FGGY: variants seen among roughly 807,000 people sequenced by gnomAD.
FGGY encodes FGGY carbohydrate kinase domain-containing protein.
In FGGY, 72 loss-of-function variants were observed where a neutral mutation model predicts 71.3. The ratio of observed to expected loss-of-function variants is 1.01; its 90% CI spans 0.84 to 1.23. The LOEUF is 1.23. Ranked by LOEUF, FGGY falls within the 50% of genes most tolerant of loss-of-function variation. The pLI is 0.00. For missense variants in FGGY, 668 were observed against 682.3 expected (o/e 0.98, Z 0.23); for synonymous variants, 251 against 250.3 (o/e 1.00, Z -0.02).
intron 4 of FGGY, among the ~76,000 whole-genome samples, chr1:59,355,700 G>C (rs2054185850): frequency 6.6e-6 from 1 of 152,116 alleles, no homozygotes; most frequent in South Asian, 2.1e-4. Flanking sequence ...CCAAGACTCA[G>C]AGGACTTAAG....
At chr1:59,645,674 C>T (rs2097087181) in intron 11 of FGGY, among the ~76,000 whole-genome samples, 1 of 152,136 alleles carries the variant, frequency 6.6e-6, no homozygotes. Context: ...AAAAAATTGG[C>T]GTGGCCTTTG....
intron 14 of FGGY, among the ~76,000 whole-genome samples, chr1:59,730,857 A>G (rs2098018201): frequency 6.6e-6 from 1 of 152,212 alleles, no homozygotes; most frequent in South Asian, 2.1e-4. Flanking sequence ...AGGAGACAGC[A>G]CAGACCTGTC....
chr1:59,303,678 C>G (rs1439338390), intron 1 of FGGY, among the ~76,000 whole-genome samples: 2 of 152,108 alleles, frequency 1.3e-5, no homozygotes, highest in African/African-American at 4.8e-5. Flanking sequence ...AACTTCTGTA[C>G]TGTTTGCCAT....
chr1:59,512,511 C>CT, intron 7 of FGGY, 72 bp downstream of exon 7: 1 of 1,464,938 alleles, frequency 6.8e-7, no homozygotes, highest in East Asian at 2.5e-5. Context: ...GAAGACACTC[C>CT]TTTTCTGTTT....
chr1:59,634,919 C>G (rs1335620715), intron 10 of FGGY, among the ~76,000 whole-genome samples: 1 of 152,082 alleles, frequency 6.6e-6, no homozygotes, highest in Non-Finnish European at 1.5e-5. Flanking sequence ...ATTATTGAAA[C>G]TATATTTTCT....
intron 4 of FGGY, among the ~76,000 whole-genome samples, chr1:59,356,710 C>T (rs139015324): frequency 6.6e-6 from 1 of 152,294 alleles, no homozygotes; most frequent in East Asian, 1.9e-4. Flanking sequence ...TAAAGGTTCA[C>T]TGTATGCCCA....
chr1:59,337,915 G>A (rs1045085191), intron 2 of FGGY, among the ~76,000 whole-genome samples: 11 of 152,236 alleles, frequency 7.2e-5, no homozygotes, highest in African/African-American at 2.7e-4. Flanking sequence ...AGTGGTAAAA[G>A]TGAACATCCT....
intron 11 of FGGY, among the ~76,000 whole-genome samples, chr1:59,657,925 T>C (rs1347544287): frequency 6.6e-6 from 1 of 152,116 alleles, no homozygotes; most frequent in African/African-American, 2.4e-5. Flanking sequence ...TCCTCTCTGA[T>C]TGTGTGAGGA....
intron 14 of FGGY, among the ~76,000 whole-genome samples, chr1:59,748,139 A>AT (rs1442626302): frequency 6.7e-6 from 1 of 149,636 alleles, no homozygotes; most frequent in East Asian, 2.1e-4. Context: ...CATTTAACAA[A>AT]TGTCCTGCTA....
intron 14 of FGGY, among the ~76,000 whole-genome samples, chr1:59,706,055 GA>G (rs1170762160): frequency 6.6e-6 from 1 of 152,156 alleles, no homozygotes; most frequent in Non-Finnish European, 1.5e-5. Flanking sequence ...TAGGAGGAGG[GA>G]AGCCAGGGCT....
At chr1:59,667,060 T>C (rs193288555) in intron 12 of FGGY, among the ~76,000 whole-genome samples, 9 of 152,312 alleles carry the variant, frequency 5.9e-5, no homozygotes, top group Admixed American at 3.9e-4. Flanking sequence ...AATGGTGTAA[T>C]TAAGAGGGTT....
At chr1:59,674,519 T>C (rs1277717222) in intron 14 of FGGY, among the ~76,000 whole-genome samples, 1 of 152,148 alleles carries the variant, frequency 6.6e-6, no homozygotes, top group Admixed American at 6.5e-5. Context: ...TCTAAATACC[T>C]TGAAGGCCTC....
chr1:59,576,543 C>T (rs752707916), intron 8 of FGGY, among the ~76,000 whole-genome samples: 4 of 152,018 alleles, frequency 2.6e-5, no homozygotes, highest in African/African-American at 9.7e-5. Flanking sequence ...GTTCTGCACA[C>T]GTATCCCAGA....
At chr1:59,342,788 C>T (rs2050971501) in intron 3 of FGGY, among the ~76,000 whole-genome samples, 1 of 152,088 alleles carries the variant, frequency 6.6e-6, no homozygotes, top group Non-Finnish European at 1.5e-5. Context: ...AACCTAAAAC[C>T]AAACCCATAA....
At chr1:59,374,737 G>C (rs1475235114) in intron 4 of FGGY, among the ~76,000 whole-genome samples, 1 of 151,604 alleles carries the variant, frequency 6.6e-6, no homozygotes, top group Non-Finnish European at 1.5e-5. Context: ...AAAATGTTGA[G>C]TTCACATCAT....
At chr1:59,663,693 C>CT (rs2097298564) in intron 12 of FGGY, among the ~76,000 whole-genome samples, 5 of 151,858 alleles carry the variant, frequency 3.3e-5, no homozygotes, top group South Asian at 4.2e-4. Context: ...TTCAATAAGC[C>CT]TTTTTTGTGG....
At chr1:59,613,834 G>A (rs1406393360) in intron 9 of FGGY, among the ~76,000 whole-genome samples, 1 of 152,174 alleles carries the variant, frequency 6.6e-6, no homozygotes, top group Non-Finnish European at 1.5e-5. Context: ...CGATCCCATA[G>A]AAATACAAAC....
chr1:59,480,314 T>C (rs1478953372), intron 6 of FGGY, among the ~76,000 whole-genome samples: 3 of 152,224 alleles, frequency 2.0e-5, no homozygotes, highest in East Asian at 1.9e-4. Context: ...TTGCCCTCTT[T>C]TGGTTTTCTG....
intron 6 of FGGY, among the ~76,000 whole-genome samples, chr1:59,481,911 G>T (rs528788231): frequency 1.3e-5 from 2 of 152,238 alleles, no homozygotes; most frequent in African/African-American, 4.8e-5. Context: ...ATTTCACAGA[G>T]TATCTTATAA....
Sources: gnomAD v4.1 joint callset for allele counts (sites outside exome capture counted in the v4.1 genomes callset) on GRCh38, gnomAD v4.1.1 for gene constraint, MANE v1.5 for transcripts, NCBI Gene and HGNC (gene_info 2026-07-23, HGNC 2026-07-21) for gene names.